TOP1: variants seen among roughly 807,000 people sequenced by gnomAD.
The protein encoded by TOP1 is DNA topoisomerase I, also known as DNA topoisomerase 1.
In TOP1, 10 loss-of-function variants were observed where a neutral mutation model predicts 111.1. The observed-to-expected ratio is 0.09, with a 90% CI of 0.06 to 0.15. TOP1 has a LOEUF of 0.15. Ranked by LOEUF, TOP1 falls within the 10% of genes least tolerant of loss-of-function variation. TOP1 has a pLI of 1.00. For synonymous variants in TOP1, 271 were observed against 302.9 expected (o/e 0.89, Z 1.10); for missense variants, 474 against 926.7 (o/e 0.51, Z 6.34).
chr20:41,121,843 T>G lies in TOP1; in HGVS notation c.2045+53T>G. The G allele has an allele frequency of 6.3e-7, 1 of 1,582,152 alleles. No individual in the cohort carries two copies. The highest frequency in any genetic ancestry group is 8.7e-7 in the Non-Finnish European group (1 of 1,151,014). On this transcript the variant is annotated intron_variant, in intron 19 of 20. Transcript: ENST00000361337. The surrounding 1 kb of genome is among the most constrained non-coding windows in gnomAD (Gnocchi z 4.2). ...GGCTGGTAGAGAAAAGTGTGCAGCA[T>G]CTGTCAGGGCCCCTGGGGCCCTGGC...
chr20:41,117,100 C>A (rs1187045966), intron 17 of TOP1, among the ~76,000 whole-genome samples: 1 of 152,080 alleles, frequency 6.6e-6, no homozygotes, highest in African/African-American at 2.4e-5. Flanking sequence ...CACCTGTAAT[C>A]CCAACACTTG....
rs1198334759 is a variant in TOP1, at chr20:41,115,332, T to C, written c.1639-39T>C. ...GGGTTATTTCTAAAGTTAGGATTTTTTTCAAGAGTAATAATTAGGATTCAC... is the reference window on the plus strand; with the variant it reads ...GGGTTATTTCTAAAGTTAGGATTTTCTTCAAGAGTAATAATTAGGATTCAC... On this transcript the variant is annotated intron_variant, in intron 15 of 20. Transcript: ENST00000361337. This position sits in a 1 kb window ranked among gnomAD's most constrained non-coding sequence, Gnocchi z 6.3. The C allele has an allele frequency of 1.4e-6, 2 of 1,469,566 alleles. No homozygotes were observed. Among genetic ancestry groups the C allele is most frequent in the Non-Finnish European group, 9.5e-7 (1 of 1,054,278 alleles). 91.0% of individuals were successfully genotyped at this position (1,469,566 alleles called of 1,614,324 possible). A position where few individuals can be genotyped will look rare whatever the true frequency, so the allele number is the denominator to read the frequency against.
intron 13 of TOP1, among the ~76,000 whole-genome samples, chr20:41,108,691 T>C (rs2034186736): frequency 6.6e-6 from 1 of 152,228 alleles, no homozygotes; most frequent in African/African-American, 2.4e-5. Flanking sequence ...TCCCACTCTG[T>C]GCCTGGTGCC....
At chr20:41,103,580 G>C (rs2034098098) in intron 13 of TOP1, among the ~76,000 whole-genome samples, 2 of 151,996 alleles carry the variant, frequency 1.3e-5, no homozygotes, top group African/African-American at 2.4e-5. Flanking sequence ...AGTATACCAG[G>C]GTACCTGATC....
intron 2 of TOP1, among the ~76,000 whole-genome samples, chr20:41,043,645 A>C (rs560354691): frequency 6.6e-6 from 1 of 152,278 alleles, no homozygotes. Context: ...CAGCACACTT[A>C]AAGTCTTTAT....
At chr20:41,085,453 G>C (rs2033836719) in intron 8 of TOP1, among the ~76,000 whole-genome samples, 1 of 152,166 alleles carries the variant, frequency 6.6e-6, no homozygotes, top group South Asian at 2.1e-4. Context: ...TATTTAGGTG[G>C]AGAACTTTTC....
In TOP1 at chr20:41,102,813, G is replaced by A. The variant is rs1298618406; in HGVS notation, c.1308+1460G>A. Among the ~76,000 whole-genome samples, 1 of 152,122 alleles carries A rather than the reference G, an allele frequency of 6.6e-6. No individual in the cohort carries two copies. The highest frequency in any genetic ancestry group is 2.4e-5 in the African/African-American group (1 of 41,424). ...TTAGCCCTTAAGGAACTTATAGGCT[G>A]GTGGGCAAATCAGGTAAGAATTCAG... On this transcript the variant is annotated intron_variant, in intron 13 of 20. Transcript: ENST00000361337. The surrounding 1 kb of genome is among the most constrained non-coding windows in gnomAD (Gnocchi z 4.0).
chr20:41,113,912 T>C (rs2034287529), intron 14 of TOP1, 58 bp from the exon 15 acceptor site: 4 of 1,204,644 alleles, frequency 3.3e-6, no homozygotes, highest in Middle Eastern at 2.0e-4. Flanking sequence ...CAGAACGAAA[T>C]TGTGTAAGGA....
At chr20:41,044,051 C>T (rs985941712) in intron 2 of TOP1, among the ~76,000 whole-genome samples, 4 of 152,116 alleles carry the variant, frequency 2.6e-5, no homozygotes, top group East Asian at 1.9e-4. Context: ...CCGAGGCAGG[C>T]GGATCACCTG....
At chr20:41,120,507 CAG>C (rs1387741892) in intron 18 of TOP1, among the ~76,000 whole-genome samples, 1 of 152,226 alleles carries the variant, frequency 6.6e-6, no homozygotes, top group Non-Finnish European at 1.5e-5. Context: ...AGCTCAGTGA[CAG>C]GGGCTCTAGC....
rs1270844140 is a variant in TOP1 at position 41,114,577 on chromosome 20, G to A, written c.1638+422G>A. 6.6e-6 allele frequency among the ~76,000 whole-genome samples: 1 copy of A among 152,192 alleles called. No homozygotes were observed. Among genetic ancestry groups the A allele is most frequent in the African/African-American group, 2.4e-5 (1 of 41,436 alleles). On this transcript the variant is annotated intron_variant, in intron 15 of 20. Transcript: ENST00000361337. This position sits in a 1 kb window ranked among gnomAD's most constrained non-coding sequence, Gnocchi z 4.5. Reference sequence around the variant, plus strand: ...ATAGCAGTATTCAATGGAGCATGCTGTAGAATAGGCCCTTAGAGCAAACTC... The same window carrying A: ...ATAGCAGTATTCAATGGAGCATGCTATAGAATAGGCCCTTAGAGCAAACTC...
intron 2 of TOP1, among the ~76,000 whole-genome samples, chr20:41,059,762 A>G (rs1047563054): frequency 6.6e-6 from 1 of 152,164 alleles, no homozygotes; most frequent in Non-Finnish European, 1.5e-5. Flanking sequence ...AAACAAGAAA[A>G]TGATGGGGAG....
chr20:41,034,877 C>G lies in TOP1; in HGVS notation c.58+5422C>G, dbSNP rs1040995463. On this transcript the variant is annotated intron_variant, in intron 2 of 20. Coordinates refer to ENST00000361337, the MANE Select transcript of TOP1 (RefSeq NM_003286.4). This position sits in a 1 kb window ranked among gnomAD's most constrained non-coding sequence, Gnocchi z 4.0. ...GGCAACTTTTAATTTTAACTTCTTT[C>G]CTTTACTTTTTTTTTGGGCGGGGTG... is the stretch of plus-strand genomic sequence containing the variant. 7.2e-5 allele frequency among the ~76,000 whole-genome samples: 11 copies of G among 151,926 alleles called. No homozygotes were observed. The highest frequency in any genetic ancestry group is 2.4e-4 in the African/African-American group (10 of 41,318).
At chr20:41,037,011 T>C (rs1014584853) in intron 2 of TOP1, among the ~76,000 whole-genome samples, 4 of 152,068 alleles carry the variant, frequency 2.6e-5, no homozygotes, top group African/African-American at 9.7e-5. Context: ...TTTGTATTTT[T>C]AGTAGATACA....
chr20:41,075,852 G>C (rs2033720641), intron 3 of TOP1, among the ~76,000 whole-genome samples: 1 of 152,188 alleles, frequency 6.6e-6, no homozygotes, highest in Non-Finnish European at 1.5e-5. Flanking sequence ...AGATATGAAT[G>C]CTGAAGTTGG....
intron 2 of TOP1, among the ~76,000 whole-genome samples, chr20:41,051,197 A>G (rs1370037739): frequency 6.6e-6 from 1 of 152,222 alleles, no homozygotes. Context: ...CCACACCTCC[A>G]TTCCCCATAC....
intron 8 of TOP1, among the ~76,000 whole-genome samples, chr20:41,091,975 G>A (rs75338731): frequency 0.026 from 3,971 of 152,212 alleles, 65 homozygotes; most frequent in Middle Eastern, 0.048. Flanking sequence ...CAGGTAATGC[G>A]TAAGTACCTT....
In TOP1 at chr20:41,029,629, C is replaced by T; in HGVS notation, c.58+174C>T. The T allele has an allele frequency of 4.4e-6, 3 of 676,722 alleles. No individual in the cohort carries two copies. Among genetic ancestry groups the T allele is most frequent in the Non-Finnish European group, 5.3e-6 (2 of 374,034 alleles). The allele number at this position is 676,722 out of a possible 1,614,324, so 41.9% of individuals were successfully genotyped here. A position where few individuals can be genotyped will look rare whatever the true frequency, so the allele number is the denominator to read the frequency against. On this transcript the variant is annotated intron_variant, in intron 2 of 20. Coordinates refer to ENST00000361337, the MANE Select transcript of TOP1 (RefSeq NM_003286.4). The surrounding 1 kb of genome is among the most constrained non-coding windows in gnomAD (Gnocchi z 6.1). Reference sequence around the variant, plus strand: ...CGCCTCTTGACCCCCTTTCCGGGGACCCCAGCTCCTCCAGATCCCGGCCCT... The same window carrying T: ...CGCCTCTTGACCCCCTTTCCGGGGATCCCAGCTCCTCCAGATCCCGGCCCT...
At chr20:41,111,834 G>A (rs1364440659) in intron 13 of TOP1, among the ~76,000 whole-genome samples, 1 of 152,004 alleles carries the variant, frequency 6.6e-6, no homozygotes, top group Non-Finnish European at 1.5e-5. Flanking sequence ...TCTGTTTTAT[G>A]CTGTTTTATG....
Sources: gnomAD v4.1 joint callset for allele counts (sites outside exome capture counted in the v4.1 genomes callset) on GRCh38, gnomAD v4.1.1 for gene constraint, Gnocchi (gnomAD v3.1) non-coding constraint, MANE v1.5 for transcripts, NCBI Gene and HGNC (gene_info 2026-07-23, HGNC 2026-07-21) for gene names.